The following DAB1 variants were observed in gnomAD, a reference collection of about 807,000 sequenced individuals.
DAB1 encodes disabled homolog 1.
A neutral mutation model predicts 64.6 loss-of-function variants in DAB1; 15 were observed. The observed-to-expected ratio is 0.23, with a 90% CI of 0.16 to 0.36. The LOEUF is 0.36. Among genes scored for constraint, DAB1 ranks in the 10% least tolerant of loss-of-function variants. The pLI, the probability that DAB1 is intolerant of heterozygous loss-of-function variation, is 1.00. For missense variants in DAB1, 596 were observed against 706.7 expected (o/e 0.84, Z 1.78); for synonymous variants, 235 against 251.9 (o/e 0.93, Z 0.64).
At chr1:57,407,979 C>T (rs555748273) in intron 1 of DAB1, among the ~76,000 whole-genome samples, 24 of 152,090 alleles carry the variant, frequency 1.6e-4, no homozygotes, top group Admixed American at 7.9e-4. Flanking sequence ...GCACAGCAAA[C>T]GGGAAATAAA....
At chr1:57,089,138 C>G (rs981181985) in intron 4 of DAB1, among the ~76,000 whole-genome samples, 1 of 152,176 alleles carries the variant, frequency 6.6e-6, no homozygotes, top group Admixed American at 6.5e-5. Flanking sequence ...TGAAATTACA[C>G]GTGACTTGCT....
chr1:57,889,906 G>GC lies in DAB1; in HGVS notation n.388-5745_388-5744insG, dbSNP rs1182854283. Among the ~76,000 whole-genome samples, 368 of 127,006 alleles carry GC rather than the reference G, an allele frequency of 2.9e-3. 20 individuals are homozygous for GC. Among genetic ancestry groups the GC allele is most frequent in the African/African-American group, 0.011 (349 of 33,032 alleles). 83.3% of individuals were successfully genotyped at this position (127,006 alleles called of 152,430 possible). On this transcript the variant is annotated intron_variant and non_coding_transcript_variant, in intron 5 of 20. Coordinates refer to the DAB1 transcript ENST00000485760. ...TGGTAGCACAAACTGGGGCGGGGGG[G>GC]GGGGAGGGGGAAGAAATCACTGGAG...
chr1:58,379,863 T>C (rs1644371494), intron 3 of DAB1, among the ~76,000 whole-genome samples: 1 of 152,204 alleles, frequency 6.6e-6, no homozygotes, highest in Admixed American at 6.5e-5. Context: ...CCCCATCTTC[T>C]TTTTTATATA....
At chr1:57,654,514 A>G (rs1646293187) in intron 6 of DAB1, among the ~76,000 whole-genome samples, 1 of 152,226 alleles carries the variant, frequency 6.6e-6, no homozygotes, top group African/African-American at 2.4e-5. Context: ...ATTATGTTCT[A>G]TACTAAATTT....
rs150116721 is a variant in DAB1, at chr1:57,508,981, A to C, written n.625+140611T>G. 1.9e-3 allele frequency among the ~76,000 whole-genome samples: 294 copies of C among 151,444 alleles called. 2 individuals are homozygous for C. In the Middle Eastern group the frequency reaches 0.021, roughly 11 times the overall value. ...ATATATAAAATACATTTATATATGC[A>C]TATACATATATAAAATACATTTATA... On this transcript the variant is annotated intron_variant and non_coding_transcript_variant, in intron 7 of 20. Transcript: ENST00000485760.
intron 9 of DAB1, among the ~76,000 whole-genome samples, chr1:57,051,334 G>T (rs888403627): frequency 6.6e-6 from 1 of 152,116 alleles, no homozygotes; most frequent in African/African-American, 2.4e-5. Context: ...ATTGACAAAC[G>T]TTCAGACAAG....
chr1:57,451,435 A>G (rs1686357640), intron 7 of DAB1, among the ~76,000 whole-genome samples: 1 of 152,206 alleles, frequency 6.6e-6, no homozygotes, highest in South Asian at 2.1e-4. Flanking sequence ...TACCTGGGTT[A>G]TAGTATTTTA....
At chr1:58,444,541 G>A (rs1293834720) in intron 3 of DAB1, among the ~76,000 whole-genome samples, 4 of 152,100 alleles carry the variant, frequency 2.6e-5, no homozygotes, top group Admixed American at 2.0e-4. Flanking sequence ...CAGCTGAGGA[G>A]TGTGTCCCAG....
intron 3 of DAB1, among the ~76,000 whole-genome samples, chr1:57,144,592 G>C (rs1321603042): frequency 6.6e-6 from 1 of 151,808 alleles, no homozygotes; most frequent in East Asian, 1.9e-4. Context: ...TACTCAGGAG[G>C]CTGAGGCAGG....
chr1:57,080,842 T>C (rs553714909), intron 4 of DAB1, among the ~76,000 whole-genome samples: 2 of 152,278 alleles, frequency 1.3e-5, no homozygotes, highest in East Asian at 3.9e-4. Context: ...ATCTATGTCC[T>C]GTGATTAAGG....
chr1:58,499,505 GATAA>G (rs879322292), intron 3 of DAB1, among the ~76,000 whole-genome samples: 6,300 of 143,556 alleles, frequency 0.044, 195 homozygotes, highest in Middle Eastern at 0.086. Context: ...TAGATAGATA[GATAA>G]ATAGATAGAT....
rs559660481 is a variant in DAB1 at position 58,149,269 on chromosome 1, G to A, written n.387+1242C>T. On this transcript the variant is annotated intron_variant and non_coding_transcript_variant, in intron 5 of 20. Transcript: ENST00000485760. Reference sequence around the variant, plus strand: ...TTCTAGTGAACAAGAGATTCTAATAGGGATGGCCTCCAAGAAGGAGGAAGA... The same window carrying A: ...TTCTAGTGAACAAGAGATTCTAATAAGGATGGCCTCCAAGAAGGAGGAAGA... 3.3e-5 allele frequency among the ~76,000 whole-genome samples: 5 copies of A among 152,184 alleles called. 1 individual carries two copies. In the South Asian group the frequency reaches 1.0e-3, roughly 32 times the overall value.
intron 5 of DAB1, among the ~76,000 whole-genome samples, chr1:58,142,260 G>A (rs1374077153): frequency 3.3e-5 from 5 of 152,188 alleles, no homozygotes; most frequent in Admixed American, 3.3e-4. Context: ...CTCTCAGTCA[G>A]ACAAGGATGG....
chr1:58,515,141 T>C (rs922534906), intron 2 of DAB1, among the ~76,000 whole-genome samples: 20 of 152,192 alleles, frequency 1.3e-4, no homozygotes, highest in Middle Eastern at 3.2e-3. Flanking sequence ...TTAAAGCTCA[T>C]TTTATTTTGT....
chr1:57,777,031 A>G (rs921573804), intron 6 of DAB1, among the ~76,000 whole-genome samples: 2 of 151,056 alleles, frequency 1.3e-5, no homozygotes, highest in African/African-American at 4.8e-5. Context: ...TTTTTCTAAA[A>G]AAATTCCAAT....
At chr1:57,371,479 T>C (rs1680490345) in intron 1 of DAB1, among the ~76,000 whole-genome samples, 1 of 152,236 alleles carries the variant, frequency 6.6e-6, no homozygotes, top group Non-Finnish European at 1.5e-5. Context: ...AATGGAACTA[T>C]GTGAATACAT....
chr1:58,325,081 T>C (rs1478933936), intron 4 of DAB1, among the ~76,000 whole-genome samples: 3 of 152,184 alleles, frequency 2.0e-5, no homozygotes, highest in Non-Finnish European at 4.4e-5. Flanking sequence ...CAGTCAGATA[T>C]TGTCCTCTCC....
At chr1:58,215,187 C>A (rs1169239650) in intron 4 of DAB1, among the ~76,000 whole-genome samples, 1 of 152,080 alleles carries the variant, frequency 6.6e-6, no homozygotes, top group Admixed American at 6.6e-5. Context: ...TCTACGTGTC[C>A]CTTGCACACT....
At chr1:58,540,294 A>G (rs1435066669) in intron 1 of DAB1, among the ~76,000 whole-genome samples, 1 of 151,262 alleles carries the variant, frequency 6.6e-6, no homozygotes, top group Non-Finnish European at 1.5e-5. Context: ...AAAAAAAAAA[A>G]TCTAAACAGG....
Sources: gnomAD v4.1 joint callset for allele counts (sites outside exome capture counted in the v4.1 genomes callset) on GRCh38, gnomAD v4.1.1 for gene constraint, MANE v1.5 for transcripts, NCBI Gene and HGNC (gene_info 2026-07-23, HGNC 2026-07-21) for gene names.